FAM161B: variants seen among roughly 807,000 people sequenced by gnomAD.
The protein encoded by FAM161B is FAM161 centrosomal protein B.
In FAM161B, 46 loss-of-function variants were observed where a neutral mutation model predicts 61.5. That is an observed-to-expected ratio of 0.75 (90% confidence interval 0.59 to 0.96). FAM161B has a LOEUF of 0.96. FAM161B is among the 40% of genes least tolerant of loss of function. The pLI is 0.00. For missense variants in FAM161B, 774 were observed against 800.7 expected (o/e 0.97, Z 0.40); for synonymous variants, 284 against 302.7 (o/e 0.94, Z 0.64).
At chr14:73,924,655 T>C in the FAM161B span, 2 of 444,536 alleles carry the variant, frequency 4.5e-6, no homozygotes, top group South Asian at 3.2e-5. Context: ...TTTATGGTGC[T>C]CTTCCGTCTT....
chr14:73,931,594 T>A, downstream of FAM161B: 5 of 1,557,672 alleles, frequency 3.2e-6, no homozygotes, highest in South Asian at 5.6e-5. Flanking sequence ...AAAATGCGTA[T>A]ACTGGGAACA....
rs937217561 is a variant in FAM161B at position 73,932,635 on chromosome 14, T to C, written c.*1621A>G. ...TGAGAAAATATCCACTCATCATCAT[T>C]ATGATTTGAGATGGGGTCTTGCTCT... is the stretch of plus-strand genomic sequence containing the variant. On this transcript the variant is annotated 3_prime_UTR_variant, in exon 9 of 9. Transcript: ENST00000286544. The C allele has an allele frequency of 8.8e-5, 33 of 373,880 alleles. No homozygotes were observed. Among genetic ancestry groups the C allele is most frequent in the Middle Eastern group, 8.8e-4 (2 of 2,262 alleles). The allele number at this position is 373,880 out of a possible 1,614,324, so 23.2% of individuals were successfully genotyped here.
Position 73,944,612 on chromosome 14 carries a change from G to T in FAM161B, c.648C>A (p.Phe216Leu), listed in dbSNP as rs756378988. The stretch of plus-strand genomic sequence containing the variant: ...CATGTGCAGGCACAGGCTGTGCCCG[G>T]AACTGCCTGTGGCACTCGGCCTCTT... ...GEEEAECHRQ[F>L]RAQPVPAHVY... Residue 216 changes from phenylalanine to leucine, a missense_variant, in exon 3 of 9, where the codon TTC (phenylalanine) becomes TTA (leucine). Coordinates refer to ENST00000286544, the MANE Select transcript of FAM161B (RefSeq NM_152445.3). 2 of 1,613,916 alleles carry T rather than the reference G, an allele frequency of 1.2e-6. No individual in the cohort carries two copies. Among genetic ancestry groups the T allele is most frequent in the Non-Finnish European group, 1.7e-6 (2 of 1,180,038 alleles).
intron 8 of FAM161B, 28 bp from the exon 9 acceptor site, chr14:73,934,422 CA>C (rs747056126): frequency 1.8e-5 from 28 of 1,582,544 alleles, no homozygotes; most frequent in South Asian, 3.5e-5. Flanking sequence ...ACATGAAAAA[CA>C]AAAAAAATTT....
intron 2 of FAM161B, among the ~76,000 whole-genome samples, chr14:73,945,548 C>G (rs1187073555): frequency 6.6e-6 from 1 of 151,908 alleles, no homozygotes; most frequent in Non-Finnish European, 1.5e-5. Flanking sequence ...CTCTGCCTCT[C>G]CTTCCGAGTA....
rs1378945585 is a variant in FAM161B, at chr14:73,933,453, C to T, written c.*803G>A. 1.3e-5 allele frequency: 2 copies of T among 152,212 alleles called. No individual in the cohort carries two copies. Among genetic ancestry groups the T allele is most frequent in the Admixed American group, 6.5e-5 (1 of 15,284 alleles). 9.4% of individuals were successfully genotyped at this position (152,212 alleles called of 1,614,324 possible). On this transcript the variant is annotated 3_prime_UTR_variant, in exon 9 of 9. Transcript: ENST00000286544. ...CTAGAAGTTGTAAGTTTTTCATCCC[C>T]CATGGGCTAGATCTGATATGCAGAT...
At position 73,942,696 on chromosome 14, in the gene FAM161B, T is replaced by G. The variant is rs761978431; in HGVS notation, c.945A>C (p.Lys315Asn). The G allele has an allele frequency of 6.2e-7, 1 of 1,612,710 alleles. No homozygotes were observed. Among genetic ancestry groups the G allele is most frequent in the Admixed American group, 1.7e-5 (1 of 59,936 alleles). The stretch of plus-strand genomic sequence containing the variant: ...CCAGGGCTCTCATTTGGATGCGAAT[T>G]TTCCTGAAGAGCTCAGCTTCTGTGG... ...DKLQEAELFR[K>N]IRIQMRALDM... The change falls in exon 4 of 9, where the codon AAA becomes AAC. Residue 315 changes from lysine (K) to asparagine (N), a missense_variant. Coordinates refer to ENST00000286544, the MANE Select transcript of FAM161B (RefSeq NM_152445.3).
chr14:73,933,389 C>A lies in FAM161B; in HGVS notation c.*867G>T, dbSNP rs1212051627. On this transcript the variant is annotated 3_prime_UTR_variant, in exon 9 of 9. Coordinates refer to ENST00000286544, the MANE Select transcript of FAM161B (RefSeq NM_152445.3). ...CAACCCTCAACAAAGAATTAGGTGG[C>A]CCAAAATATTAATAGCACTGAGGAT... 2 of 152,140 alleles carry A rather than the reference C, an allele frequency of 1.3e-5. No individual in the cohort carries two copies. The highest frequency in any genetic ancestry group is 4.8e-5 in the African/African-American group (2 of 41,422). The allele number at this position is 152,140 out of a possible 1,614,324, so 9.4% of individuals were successfully genotyped here. A position where few individuals can be genotyped will look rare whatever the true frequency, so the allele number is the denominator to read the frequency against.
chr14:73,946,554 C>T lies in FAM161B; in HGVS notation c.106G>A (p.Gly36Arg), dbSNP rs755904461. 96 of 1,614,064 alleles carry T rather than the reference C, an allele frequency of 5.9e-5. No individual in the cohort carries two copies. Among genetic ancestry groups the T allele is most frequent in the Non-Finnish European group, 7.6e-5 (90 of 1,180,038 alleles). ...ADTEAGEELS[G>R]DGLVLPRASK... ...GCCCTGGGCAAAACCAGCCCATCCC[C>T]GGACAGCTCCTCTCCTGCCTCTGTG... is the stretch of plus-strand genomic sequence containing the variant. The change falls in exon 2 of 9, where the codon GGG becomes AGG. Residue 36 changes from glycine to arginine, a missense_variant. By Grantham distance (125) the Gly-to-Arg change is moderately radical (BLOSUM62 -2). Transcript: ENST00000286544.
intron 4 of FAM161B, 58 bp downstream of exon 4, chr14:73,942,311 C>T: frequency 3.3e-6 from 5 of 1,534,972 alleles, no homozygotes; most frequent in Non-Finnish European, 3.5e-6. Flanking sequence ...GAAGACCTGG[C>T]CCCACCCTGT....
At chr14:73,929,551 A>G (rs2055881123), downstream of FAM161B, among the ~76,000 whole-genome samples, 1 of 152,166 alleles carries the variant, frequency 6.6e-6, no homozygotes, top group Non-Finnish European at 1.5e-5. Context: ...CAAATCTGTT[A>G]TCAGAAATTT....
intron 2 of FAM161B, among the ~76,000 whole-genome samples, chr14:73,945,658 T>C (rs992578938): frequency 2.0e-5 from 3 of 152,108 alleles, no homozygotes; most frequent in Non-Finnish European, 4.4e-5. Context: ...CTTGAACTCC[T>C]GACCTCATGA....
At chr14:73,940,022 A>G (rs1269345131) in intron 5 of FAM161B, among the ~76,000 whole-genome samples, 2 of 152,186 alleles carry the variant, frequency 1.3e-5, no homozygotes, top group Non-Finnish European at 2.9e-5. Context: ...AGAAAGGAGT[A>G]TCCCTTGGAC....
downstream of FAM161B, chr14:73,931,902 A>T (rs1205127467): frequency 4.4e-6 from 2 of 456,422 alleles, no homozygotes; most frequent in Non-Finnish European, 8.8e-6. Context: ...TCCCAGACTC[A>T]GCTGTCTTTT....
At chr14:73,938,998 G>A (rs2055995200) in intron 5 of FAM161B, among the ~76,000 whole-genome samples, 1 of 151,660 alleles carries the variant, frequency 6.6e-6, no homozygotes, top group South Asian at 2.1e-4. Flanking sequence ...AGAAACGTCA[G>A]TTAAAATATC....
intron 1 of FAM161B, among the ~76,000 whole-genome samples, chr14:73,946,819 T>C (rs2056071640): frequency 6.6e-6 from 1 of 152,106 alleles, no homozygotes; most frequent in Non-Finnish European, 1.5e-5. Flanking sequence ...ATTTCACAAC[T>C]TGGTCTATGA....
At chr14:73,926,424 GTTTTGTTTTGT>G in the FAM161B span, among the ~76,000 whole-genome samples, 2 of 150,516 alleles carry the variant, frequency 1.3e-5, no homozygotes, top group Non-Finnish European at 3.0e-5. Context: ...TGGGTTTTTT[GTTTTGTTTTGT>G]TTTTGTTTTT....
chr14:73,935,660 A>G (rs2055966187), intron 8 of FAM161B, among the ~76,000 whole-genome samples: 1 of 152,244 alleles, frequency 6.6e-6, no homozygotes, highest in African/African-American at 2.4e-5. Flanking sequence ...TTTTTCTTCA[A>G]AAATAAAGTA....
At chr14:73,925,331 A>C in the FAM161B span, among the ~76,000 whole-genome samples, 7 of 152,182 alleles carry the variant, frequency 4.6e-5, no homozygotes, top group Admixed American at 2.0e-4. Flanking sequence ...TTTATTATGG[A>C]AATTTTCAGA....
Sources: gnomAD v4.1 joint callset for allele counts (sites outside exome capture counted in the v4.1 genomes callset) on GRCh38, gnomAD v4.1.1 for gene constraint, MANE v1.5 for transcripts, NCBI Gene and HGNC (gene_info 2026-07-23, HGNC 2026-07-21) for gene names.